SLC17A1: variants seen among roughly 807,000 people sequenced by gnomAD.
The protein encoded by SLC17A1 is sodium-dependent phosphate transport protein 1.
Under a neutral mutation model 53.5 loss-of-function variants are expected in SLC17A1, and 51 were observed. The observed-to-expected ratio is 0.95, with a 90% confidence interval of 0.76 to 1.20. The LOEUF (loss-of-function observed/expected upper bound fraction) is 1.20, where lower values mean the gene tolerates loss of function less well. Ranked by LOEUF, SLC17A1 falls within the 50% of genes most tolerant of loss-of-function variation. The pLI, the probability that SLC17A1 is intolerant of heterozygous loss-of-function variation, is 0.00. For synonymous variants in SLC17A1, 179 were observed against 198.8 expected (o/e 0.90, Z 0.84); for missense variants, 538 against 568.2 (o/e 0.95, Z 0.54).
At chr6:25,767,808 G>A in the SLC17A1 span, among the ~76,000 whole-genome samples, 6 of 151,910 alleles carry the variant, frequency 3.9e-5, no homozygotes, top group African/African-American at 1.5e-4. Flanking sequence ...TGTTGCAAAC[G>A]GTAAACATAA....
At chr6:25,770,187 G>A in the SLC17A1 span, 1 of 1,614,116 alleles carries the variant, frequency 6.2e-7, no homozygotes, top group African/African-American at 1.3e-5. Context: ...AGCCAAGTAT[G>A]TGGTTGGTGC....
the SLC17A1 span, among the ~76,000 whole-genome samples, chr6:25,774,410 C>T: frequency 2.0e-5 from 3 of 152,162 alleles, no homozygotes; most frequent in South Asian, 2.1e-4. Flanking sequence ...GAAGCCTTCT[C>T]GTATTGATTG....
the SLC17A1 span, among the ~76,000 whole-genome samples, chr6:25,758,141 T>C: frequency 6.6e-6 from 1 of 152,184 alleles, no homozygotes; most frequent in African/African-American, 2.4e-5. Context: ...TTCTGAGGCA[T>C]GTGTCACTCA....
chr6:25,826,293 A>G (rs907174371), intron 3 of SLC17A1, among the ~76,000 whole-genome samples, 168 bp downstream of exon 3: 5 of 152,172 alleles, frequency 3.3e-5, no homozygotes, highest in Non-Finnish European at 7.4e-5. Context: ...ATACTGAGGC[A>G]TACTTTAATC....
At chr6:25,727,336 G>T in the SLC17A1 span, 1 of 1,524,550 alleles carries the variant, frequency 6.6e-7, no homozygotes. Context: ...GCTCTTTTCA[G>T]AGCCACTTAA....
intron 11 of SLC17A1, among the ~76,000 whole-genome samples, chr6:25,799,462 T>A (rs1763690503): frequency 6.6e-6 from 1 of 152,194 alleles, no homozygotes; most frequent in Non-Finnish European, 1.5e-5. Context: ...TTAACTATAT[T>A]ACTCATTAAA....
At chr6:25,770,632 C>T in the SLC17A1 span, among the ~76,000 whole-genome samples, 1 of 152,212 alleles carries the variant, frequency 6.6e-6, no homozygotes, top group African/African-American at 2.4e-5. Flanking sequence ...ACTGAATAAA[C>T]TGAATGCTTA....
At chr6:25,762,398 G>C in the SLC17A1 span, among the ~76,000 whole-genome samples, 2 of 152,164 alleles carry the variant, frequency 1.3e-5, no homozygotes, top group African/African-American at 2.4e-5. Flanking sequence ...CTCTGCTCAT[G>C]TTAAATCCAG....
At chr6:25,800,740 GA>G (rs1763731630) in intron 11 of SLC17A1, 149 bp downstream of exon 11, 3 of 589,222 alleles carry the variant, frequency 5.1e-6, no homozygotes, top group Non-Finnish European at 3.1e-6. Context: ...GATTTGGAGA[GA>G]TGCCTGATTT....
At chr6:25,779,068 T>C (rs780708706), downstream of SLC17A1, 4 of 1,613,636 alleles carry the variant, frequency 2.5e-6, no homozygotes, top group Non-Finnish European at 2.5e-6. Context: ...CAGAGTTTGG[T>C]TGGAGAAATG....
At chr6:25,762,001 C>A in the SLC17A1 span, 843 of 1,613,268 alleles carry the variant, frequency 5.2e-4, 2 homozygotes, top group Middle Eastern at 2.3e-3. Flanking sequence ...CAGTGGGGGA[C>A]ATTTCCAGTG....
the SLC17A1 span, chr6:25,731,671 A>AACGAGGCATACTCT: frequency 1.4e-6 from 1 of 703,314 alleles, no homozygotes; most frequent in Non-Finnish European, 2.2e-6. Flanking sequence ...TCAGTCTGGC[A>AACGAGGCATACTCT]ACGAGGCATA....
the SLC17A1 span, among the ~76,000 whole-genome samples, chr6:25,753,166 T>C: frequency 6.6e-6 from 1 of 152,134 alleles, no homozygotes; most frequent in Non-Finnish European, 1.5e-5. Flanking sequence ...TCTAACAACA[T>C]TGGTAAAACA....
chr6:25,737,229 T>C, the SLC17A1 span, among the ~76,000 whole-genome samples: 1 of 152,252 alleles, frequency 6.6e-6, no homozygotes, highest in East Asian at 1.9e-4. Context: ...TAGTGTAGAA[T>C]CTAAGATTGG....
chr6:25,733,806 A>ATGTGTGTGTGTG, the SLC17A1 span, among the ~76,000 whole-genome samples: 74 of 133,990 alleles, frequency 5.5e-4, no homozygotes, highest in African/African-American at 1.8e-3. Context: ...GTGTGTGTGT[A>ATGTGTGTGTGTG]TGTGTGTGTG....
At chr6:25,820,272 G>T (rs1048938003) in intron 3 of SLC17A1, among the ~76,000 whole-genome samples, 3 of 152,116 alleles carry the variant, frequency 2.0e-5, no homozygotes, top group Non-Finnish European at 2.9e-5. Flanking sequence ...GTACTTCATA[G>T]TACTACTCAT....
At chr6:25,726,493 C>G in the SLC17A1 span, 1 of 1,611,970 alleles carries the variant, frequency 6.2e-7, no homozygotes, top group Non-Finnish European at 8.5e-7. Context: ...AGACTTGGCG[C>G]GTGCTTTTCC....
the SLC17A1 span, among the ~76,000 whole-genome samples, chr6:25,772,377 C>T: frequency 6.6e-6 from 1 of 152,140 alleles, no homozygotes; most frequent in Admixed American, 6.6e-5. Context: ...ATTGTGTCTT[C>T]GCCATTTTAT....
At chr6:25,788,184 A>G (rs1171254404) in intron 12 of SLC17A1, among the ~76,000 whole-genome samples, 2 of 152,198 alleles carry the variant, frequency 1.3e-5, no homozygotes, top group Non-Finnish European at 2.9e-5. Flanking sequence ...GACAGAAACA[A>G]ATGTTATATC....
Sources: allele counts gnomAD v4.1 joint callset (sites outside exome capture counted in the v4.1 genomes callset), GRCh38; gene constraint gnomAD v4.1.1; transcripts MANE v1.5; gene names NCBI Gene and HGNC (gene_info 2026-07-23, HGNC 2026-07-21).